The following BLTP1 variants were observed in gnomAD, a reference collection of about 807,000 sequenced individuals.
BLTP1 encodes the protein fragile site-associated protein.
the BLTP1 span, chr4:122,204,694 T>C: frequency 9.1e-6 from 5 of 551,566 alleles, no homozygotes; most frequent in Non-Finnish European, 9.2e-6. Flanking sequence ...ATCAGTCTGA[T>C]GAATGATGAA....
the BLTP1 span, chr4:122,176,014 T>G: frequency 2.9e-6 from 2 of 684,404 alleles, no homozygotes; most frequent in Non-Finnish European, 5.2e-6. Flanking sequence ...AAAAGTTTAA[T>G]TTTTAGGCCA....
the BLTP1 span, among the ~76,000 whole-genome samples, chr4:122,312,053 A>G: frequency 6.6e-6 from 1 of 152,102 alleles, no homozygotes; most frequent in Non-Finnish European, 1.5e-5. Context: ...GTTGCTTTTT[A>G]GAGACAGAAT....
chr4:122,200,656 C>CT, the BLTP1 span: 1 of 984,368 alleles, frequency 1.0e-6, no homozygotes, highest in Non-Finnish European at 1.2e-6. Context: ...GCATCACACT[C>CT]TATCTTCCTT....
the BLTP1 span, among the ~76,000 whole-genome samples, chr4:122,291,513 T>C: frequency 0.028 from 4,323 of 152,336 alleles, 137 homozygotes; most frequent in African/African-American, 0.08. Flanking sequence ...TAGGACATTT[T>C]CTGTTATGTA....
At chr4:122,304,889 C>T in the BLTP1 span, 1 of 1,613,824 alleles carries the variant, frequency 6.2e-7, no homozygotes, top group African/African-American at 1.3e-5. Context: ...CGACTTCAAA[C>T]CAAAGCTTCA....
chr4:122,242,475 G>A, the BLTP1 span, among the ~76,000 whole-genome samples: 1 of 151,942 alleles, frequency 6.6e-6, no homozygotes, highest in African/African-American at 2.4e-5. Context: ...GGTAGTTGGG[G>A]GGAAAAAAGT....
At chr4:122,359,471 T>A in the BLTP1 span, 1 of 1,514,028 alleles carries the variant, frequency 6.6e-7, no homozygotes, top group Non-Finnish European at 8.9e-7. Flanking sequence ...AGGTCATAGA[T>A]AAAATGAGAA....
the BLTP1 span, chr4:122,187,839 T>G: frequency 1.3e-6 from 2 of 1,503,860 alleles, no homozygotes; most frequent in Non-Finnish European, 1.8e-6. Flanking sequence ...AAGAAAGAAA[T>G]ATGGCCAGAA....
At chr4:122,175,801 T>G in the BLTP1 span, 1 of 1,263,512 alleles carries the variant, frequency 7.9e-7, no homozygotes, top group Non-Finnish European at 1.1e-6. Flanking sequence ...AAGAAATGAG[T>G]TAAGTAAATT....
the BLTP1 span, among the ~76,000 whole-genome samples, chr4:122,181,664 T>A: frequency 6.6e-6 from 1 of 151,760 alleles, no homozygotes; most frequent in African/African-American, 2.4e-5. Context: ...TTCCTCTATC[T>A]AGTATAGTCT....
At chr4:122,288,822 C>T in the BLTP1 span, 4 of 294,148 alleles carry the variant, frequency 1.4e-5, no homozygotes, top group African/African-American at 2.3e-5. Context: ...TATATAACTT[C>T]GATTTGCTCC....
the BLTP1 span, chr4:122,261,512 T>C: frequency 3.1e-6 from 3 of 982,770 alleles, no homozygotes; most frequent in South Asian, 4.7e-5. Flanking sequence ...TGACAGAAGA[T>C]AGAAATCGAA....
the BLTP1 span, among the ~76,000 whole-genome samples, chr4:122,294,646 A>G: frequency 6.6e-6 from 1 of 151,858 alleles, no homozygotes; most frequent in African/African-American, 2.4e-5. Context: ...ATATGCCCGC[A>G]AAGATGAGAA....
At chr4:122,245,540 C>T in the BLTP1 span, among the ~76,000 whole-genome samples, 5 of 152,156 alleles carry the variant, frequency 3.3e-5, no homozygotes, top group African/African-American at 9.6e-5. Context: ...AGATTTTCCT[C>T]GTTCACTTCA....
the BLTP1 span, chr4:122,300,759 A>G: frequency 3.5e-6 from 1 of 285,246 alleles, no homozygotes; most frequent in Non-Finnish European, 5.3e-6. Flanking sequence ...TGGGATGATG[A>G]TCAACTCAAC....
the BLTP1 span, chr4:122,261,555 T>C: frequency 2.7e-5 from 27 of 984,240 alleles, no homozygotes; most frequent in Non-Finnish European, 2.9e-5. Context: ...TTTTCATTAA[T>C]TGTGGAAAGT....
the BLTP1 span, chr4:122,305,755 C>T: frequency 6.6e-6 from 9 of 1,355,192 alleles, no homozygotes; most frequent in Non-Finnish European, 3.9e-6. Flanking sequence ...TATACATTAA[C>T]AGCTGAATTT....
the BLTP1 span, chr4:122,199,281 A>G: frequency 1.4e-5 from 22 of 1,554,240 alleles, no homozygotes; most frequent in Non-Finnish European, 1.7e-5. Flanking sequence ...GAGTGGTGGT[A>G]GGAGTTGGTT....
At chr4:122,196,963 T>C in the BLTP1 span, among the ~76,000 whole-genome samples, 1 of 152,108 alleles carries the variant, frequency 6.6e-6, no homozygotes. Context: ...TGTCAAATAA[T>C]GGGAAGAAAT....
Sources: gnomAD v4.1 joint callset for allele counts (sites outside exome capture counted in the v4.1 genomes callset) on GRCh38, gnomAD v4.1.1 for gene constraint, MANE v1.5 for transcripts, NCBI Gene and HGNC (gene_info 2026-07-23, HGNC 2026-07-21) for gene names.